STXBP5L: variants seen among roughly 807,000 people sequenced by gnomAD.
The protein encoded by STXBP5L is syntaxin binding protein 5L.
In STXBP5L, 65 loss-of-function variants were observed where a neutral mutation model predicts 144.5. The ratio of observed to expected loss-of-function variants is 0.45; its 90% CI spans 0.37 to 0.55. STXBP5L has a LOEUF of 0.55. Ranked by LOEUF, STXBP5L falls within the 20% of genes least tolerant of loss-of-function variation. The pLI is 0.00. For missense variants in STXBP5L, 1,298 were observed against 1,405.5 expected (o/e 0.92, Z 1.22); for synonymous variants, 505 against 469.6 (o/e 1.08, Z -0.97).
At chr3:121,303,219 A>C (rs1383832314) in intron 19 of STXBP5L, among the ~76,000 whole-genome samples, 1 of 152,262 alleles carries the variant, frequency 6.6e-6, no homozygotes, top group Non-Finnish European at 1.5e-5. Flanking sequence ...TGGGCAAAGG[A>C]TATGAACAGA....
intron 3 of STXBP5L, among the ~76,000 whole-genome samples, chr3:120,985,436 A>G (rs963825449): frequency 6.6e-6 from 1 of 152,070 alleles, no homozygotes; most frequent in African/African-American, 2.4e-5. Context: ...GAGAGCATTT[A>G]AAATGTGCTG....
chr3:120,949,202 T>G (rs889992660), intron 2 of STXBP5L, among the ~76,000 whole-genome samples: 22 of 152,080 alleles, frequency 1.4e-4, no homozygotes, highest in African/African-American at 5.3e-4. Context: ...TTTGTGTATC[T>G]TCTTTTGAGA....
At chr3:121,127,841 CCT>C (rs1197799565) in intron 7 of STXBP5L, among the ~76,000 whole-genome samples, 1 of 151,882 alleles carries the variant, frequency 6.6e-6, no homozygotes, top group Non-Finnish European at 1.5e-5. Context: ...AGCAGAAGTA[CCT>C]CTTTCACCAT....
chr3:121,139,947 C>T (rs565789745), intron 7 of STXBP5L, among the ~76,000 whole-genome samples: 4 of 151,996 alleles, frequency 2.6e-5, no homozygotes, highest in African/African-American at 7.2e-5. Flanking sequence ...ACTCAGACAA[C>T]TCACCATAAA....
At chr3:121,125,470 CA>C (rs55831310) in intron 7 of STXBP5L, among the ~76,000 whole-genome samples, 2,747 of 148,460 alleles carry the variant, frequency 0.019, 39 homozygotes, top group Non-Finnish European at 0.031. Flanking sequence ...GACTCCATCT[CA>C]AAAAAAAAAT....
At chr3:121,146,860 C>T (rs1008348220) in intron 7 of STXBP5L, among the ~76,000 whole-genome samples, 11 of 151,962 alleles carry the variant, frequency 7.2e-5, no homozygotes, top group Admixed American at 5.3e-4. Context: ...CATGGTACCA[C>T]GTTAACTAAA....
intron 3 of STXBP5L, among the ~76,000 whole-genome samples, chr3:121,039,654 T>G (rs1029597167): frequency 2.6e-5 from 4 of 151,978 alleles, no homozygotes; most frequent in Admixed American, 6.6e-5. Flanking sequence ...CAGTTTTATG[T>G]GTCTGAAAAG....
At chr3:121,378,012 C>A (rs989334608) in intron 20 of STXBP5L, among the ~76,000 whole-genome samples, 17 of 152,148 alleles carry the variant, frequency 1.1e-4, no homozygotes, top group Admixed American at 5.2e-4. Context: ...AGTTCATGTC[C>A]TTTGCAGGGA....
At chr3:120,977,229 C>T (rs1941158408) in intron 3 of STXBP5L, among the ~76,000 whole-genome samples, 1 of 152,250 alleles carries the variant, frequency 6.6e-6, no homozygotes, top group East Asian at 1.9e-4. Context: ...CTGGGTGCTC[C>T]TGTATTGGGT....
chr3:121,303,140 AG>A (rs1356939459), intron 19 of STXBP5L, among the ~76,000 whole-genome samples: 2 of 152,166 alleles, frequency 1.3e-5, no homozygotes, highest in African/African-American at 4.8e-5. Context: ...CATCTGACAA[AG>A]GGCTAATATC....
At chr3:120,950,994 T>C (rs1454665691) in intron 2 of STXBP5L, among the ~76,000 whole-genome samples, 3 of 151,938 alleles carry the variant, frequency 2.0e-5, no homozygotes, top group Non-Finnish European at 2.9e-5. Flanking sequence ...TCAGAAATAA[T>C]GCTGCATATC....
chr3:121,096,109 GC>G (rs35783902), intron 5 of STXBP5L, among the ~76,000 whole-genome samples: 15,074 of 151,870 alleles, frequency 0.099, 1,184 homozygotes, highest in Admixed American at 0.2. Context: ...CCACTATCCT[GC>G]CCCCCACTGT....
intron 3 of STXBP5L, among the ~76,000 whole-genome samples, chr3:121,022,217 G>T (rs1483495616): frequency 6.6e-6 from 1 of 151,984 alleles, no homozygotes; most frequent in East Asian, 1.9e-4. Context: ...GATTAAACCA[G>T]GAAGAAATAG....
At chr3:120,935,596 G>T (rs1710220639) in intron 2 of STXBP5L, among the ~76,000 whole-genome samples, 2 of 151,950 alleles carry the variant, frequency 1.3e-5, no homozygotes, top group South Asian at 2.1e-4. Context: ...GTTCAAGAAG[G>T]TTATTTCTCC....
chr3:121,097,748 T>A (rs2043204278), intron 5 of STXBP5L, among the ~76,000 whole-genome samples: 1 of 148,478 alleles, frequency 6.7e-6, no homozygotes, highest in South Asian at 2.1e-4. Flanking sequence ...AGACCAGAGC[T>A]GTTCCTATTC....
chr3:121,088,082 T>C (rs2042588294), intron 5 of STXBP5L, among the ~76,000 whole-genome samples: 1 of 151,902 alleles, frequency 6.6e-6, no homozygotes, highest in East Asian at 1.9e-4. Context: ...AAAGCCAAAA[T>C]TGACAAATGG....
chr3:121,335,427 T>C (rs1215503518), intron 20 of STXBP5L, among the ~76,000 whole-genome samples: 1 of 152,108 alleles, frequency 6.6e-6, no homozygotes, highest in East Asian at 1.9e-4. Flanking sequence ...AATGACATGT[T>C]TCACAGAACT....
At chr3:120,959,324 G>A (rs1938454452) in intron 3 of STXBP5L, among the ~76,000 whole-genome samples, 1 of 152,158 alleles carries the variant, frequency 6.6e-6, no homozygotes, top group Non-Finnish European at 1.5e-5. Context: ...TGGCCATACT[G>A]CTCAAGGTAA....
At chr3:121,136,933 TAGAG>T (rs770797810) in intron 7 of STXBP5L, among the ~76,000 whole-genome samples, 20 of 152,084 alleles carry the variant, frequency 1.3e-4, no homozygotes, top group Non-Finnish European at 2.9e-4. Flanking sequence ...TTTCAGCACA[TAGAG>T]GGAGCTGGAG....
Sources: allele counts gnomAD v4.1 joint callset (sites outside exome capture counted in the v4.1 genomes callset), GRCh38; gene constraint gnomAD v4.1.1; transcripts MANE v1.5; gene names NCBI Gene and HGNC (gene_info 2026-07-23, HGNC 2026-07-21).